LRRTM3: variants seen among roughly 807,000 people sequenced by gnomAD.
LRRTM3 encodes leucine rich repeat transmembrane neuronal 3.
In LRRTM3, 24 loss-of-function variants were observed where a neutral mutation model predicts 44.7. That is an observed-to-expected ratio of 0.54 (90% CI 0.39 to 0.76). LRRTM3 has a LOEUF of 0.76. LRRTM3 is among the 30% of genes least tolerant of loss of function. The pLI is 0.00. For missense variants in LRRTM3, 587 were observed against 702.2 expected (o/e 0.84, Z 1.85); for synonymous variants, 277 against 278.7 (o/e 0.99, Z 0.06).
chr10:67,097,332 G>C (rs1192416640), intron 2 of LRRTM3, among the ~76,000 whole-genome samples: 1 of 151,828 alleles, frequency 6.6e-6, no homozygotes, highest in Admixed American at 6.6e-5. Flanking sequence ...ATCATTTTCA[G>C]AACCATGTAG....
Position 66,926,573 on chromosome 10 carries a change from C to T in LRRTM3, c.-11C>T, listed in dbSNP as rs1249896777. 42 of 1,613,762 alleles carry T rather than the reference C, an allele frequency of 2.6e-5. No homozygotes were observed. The highest frequency in any genetic ancestry group is 3.4e-5 in the Non-Finnish European group (40 of 1,179,942). On this transcript the variant is annotated 5_prime_UTR_variant, in exon 1 of 3. Coordinates refer to ENST00000361320, the MANE Select transcript of LRRTM3 (RefSeq NM_178011.5). ...AAAAGACCTAAGGACGACCTTTGAA[C>T]AATACAAAGGATGGGTATGTTTTGT...
chr10:67,089,933 G>C (rs1337393544), intron 2 of LRRTM3, among the ~76,000 whole-genome samples: 1 of 151,866 alleles, frequency 6.6e-6, no homozygotes, highest in Non-Finnish European at 1.5e-5. Flanking sequence ...CACCTGCCTA[G>C]CTATGTTTTA....
chr10:67,009,158 C>T (rs1250107066), intron 2 of LRRTM3, among the ~76,000 whole-genome samples: 2 of 152,010 alleles, frequency 1.3e-5, no homozygotes, highest in Non-Finnish European at 2.9e-5. Context: ...ATACAGAATG[C>T]CATTAAAATC....
chr10:67,093,785 T>C (rs1299842436), intron 2 of LRRTM3, among the ~76,000 whole-genome samples: 1 of 152,040 alleles, frequency 6.6e-6, no homozygotes, highest in African/African-American at 2.4e-5. Context: ...ATTTTAGATT[T>C]AGTTTATTTG....
At chr10:66,940,100 G>A (rs529978016) in intron 2 of LRRTM3, among the ~76,000 whole-genome samples, 1 of 152,178 alleles carries the variant, frequency 6.6e-6, no homozygotes, top group East Asian at 1.9e-4. Context: ...ACTGGAATCT[G>A]CTTGGTCCAA....
At chr10:66,991,060 C>A (rs1012256629) in intron 2 of LRRTM3, among the ~76,000 whole-genome samples, 4 of 152,092 alleles carry the variant, frequency 2.6e-5, no homozygotes, top group Admixed American at 6.6e-5. Context: ...TTACAAGACA[C>A]GCTGCAGAAG....
At chr10:66,952,306 AC>A (rs746655976) in intron 2 of LRRTM3, among the ~76,000 whole-genome samples, 2 of 152,200 alleles carry the variant, frequency 1.3e-5, no homozygotes, top group African/African-American at 4.8e-5. Flanking sequence ...TTGAAAAGAG[AC>A]AGATGTCACT....
chr10:67,002,781 G>T (rs1851759492), intron 2 of LRRTM3, among the ~76,000 whole-genome samples: 1 of 151,528 alleles, frequency 6.6e-6, no homozygotes, highest in Non-Finnish European at 1.5e-5. Context: ...TATAATTGCT[G>T]GGTTAAATAA....
chr10:66,973,083 T>A (rs1849818009), intron 2 of LRRTM3, among the ~76,000 whole-genome samples: 1 of 152,208 alleles, frequency 6.6e-6, no homozygotes, highest in South Asian at 2.1e-4. Flanking sequence ...AATGGTTCTT[T>A]TTTTATTGCT....
rs199586433 is a variant in LRRTM3 at position 67,097,592 on chromosome 10, T to A, written c.1542T>A (p.Pro514=). The change falls in exon 3 of 3, where the codon CCT becomes CCA. Residue 514 remains proline, a synonymous_variant. Transcript: ENST00000361320. The stretch of plus-strand genomic sequence containing the variant: ...CTCATGTCATTTTTCCCCAGATACC[T>A]TTATCAATGAATGTGTCAACCTTTC... ...NKSGSRECEI[P]LSMNVSTFLA... 314 of 1,612,040 alleles carry A rather than the reference T, an allele frequency of 1.9e-4. No homozygotes were observed. Among genetic ancestry groups the A allele is most frequent in the Non-Finnish European group, 6.3e-5 (74 of 1,178,616 alleles).
intron 2 of LRRTM3, among the ~76,000 whole-genome samples, chr10:67,058,313 T>C (rs1161020421): frequency 6.6e-6 from 1 of 152,208 alleles, no homozygotes; most frequent in East Asian, 1.9e-4. Flanking sequence ...GAGAACTTTG[T>C]TCTAGGCTTT....
At chr10:66,992,691 T>A (rs577112141) in intron 2 of LRRTM3, among the ~76,000 whole-genome samples, 1 of 152,320 alleles carries the variant, frequency 6.6e-6, no homozygotes, top group Non-Finnish European at 1.5e-5. Context: ...ATTTTGTTGA[T>A]CACATTTAAG....
chr10:67,097,734 C>A lies in LRRTM3; in HGVS notation c.1684C>A (p.Leu562Met). ...DTMETHLETELDLSTITTAGR... is the reference protein window; with the variant it reads ...DTMETHLETEMDLSTITTAGR... ...GATGGAAACACACCTAGAGACTGAG[C>A]TGGACCTGAGCACAATCACAACAGC... Residue 562 changes from leucine (L) to methionine (M), a missense_variant, in exon 3 of 3, where the codon CTG (leucine) becomes ATG (methionine). Leu to Met is a conservative substitution (Grantham distance 15). Coordinates refer to ENST00000361320, the MANE Select transcript of LRRTM3 (RefSeq NM_178011.5). The A allele has an allele frequency of 6.2e-7, 1 of 1,612,646 alleles. No homozygotes were observed. Among genetic ancestry groups the A allele is most frequent in the African/African-American group, 1.3e-5 (1 of 74,902 alleles).
chr10:66,950,388 A>G (rs1177639106), intron 2 of LRRTM3, among the ~76,000 whole-genome samples: 1 of 152,092 alleles, frequency 6.6e-6, no homozygotes, highest in Admixed American at 6.6e-5. Flanking sequence ...AACATGCTTA[A>G]GGCAGGTTTT....
chr10:67,024,647 C>T (rs918805572), intron 2 of LRRTM3, among the ~76,000 whole-genome samples: 3 of 152,018 alleles, frequency 2.0e-5, no homozygotes, highest in African/African-American at 2.4e-5. Context: ...TGGGTGTAAC[C>T]AGCAAAAGTT....
chr10:66,961,579 T>G (rs1849110929), intron 2 of LRRTM3, among the ~76,000 whole-genome samples: 1 of 152,130 alleles, frequency 6.6e-6, no homozygotes, highest in Admixed American at 6.6e-5. Flanking sequence ...TTCTCTTTTG[T>G]GTGTAAATTT....
chr10:67,086,900 G>A lies in LRRTM3; in HGVS notation c.1537-10687G>A, dbSNP rs1351428899. ...GACCAAAAACATTAACTGATGTAGTGTTATTATAAGACCCTCCAGTGGACT... is the reference window on the plus strand; with the variant it reads ...GACCAAAAACATTAACTGATGTAGTATTATTATAAGACCCTCCAGTGGACT... On this transcript the variant is annotated intron_variant, in intron 2 of 2. Coordinates refer to ENST00000361320, the MANE Select transcript of LRRTM3 (RefSeq NM_178011.5). 3.3e-5 allele frequency among the ~76,000 whole-genome samples: 5 copies of A among 152,014 alleles called. No homozygotes were observed. The East Asian group carries it at 7.7e-4, about 24-fold the overall frequency.
chr10:67,033,670 G>A (rs182164427), intron 2 of LRRTM3, among the ~76,000 whole-genome samples: 1 of 152,260 alleles, frequency 6.6e-6, no homozygotes, highest in Non-Finnish European at 1.5e-5. Flanking sequence ...ATTTTAAAGA[G>A]AAGAATACTG....
chr10:67,063,681 C>T (rs769137045), intron 2 of LRRTM3, among the ~76,000 whole-genome samples: 2 of 152,172 alleles, frequency 1.3e-5, no homozygotes, highest in Non-Finnish European at 2.9e-5. Context: ...ACACCTAATA[C>T]GTATGAAGTC....
Sources: gnomAD v4.1 joint callset for allele counts (sites outside exome capture counted in the v4.1 genomes callset) on GRCh38, gnomAD v4.1.1 for gene constraint, MANE v1.5 for transcripts, NCBI Gene and HGNC (gene_info 2026-07-23, HGNC 2026-07-21) for gene names.